Variants in NTRK2 observed in about 807,000 individuals in gnomAD.
The protein encoded by NTRK2 is BDNF/NT-3 growth factors receptor.
A neutral mutation model predicts 94.5 loss-of-function variants in NTRK2; 13 were observed. That is an observed-to-expected ratio of 0.14 (90% CI 0.09 to 0.22). NTRK2 has a LOEUF of 0.22. NTRK2 is among the 10% of genes least tolerant of loss of function. The pLI is 1.00. For missense variants in NTRK2, 639 were observed against 1,071.2 expected (o/e 0.60, Z 5.63); for synonymous variants, 372 against 407.4 (o/e 0.91, Z 1.05).
intron 17 of NTRK2, among the ~76,000 whole-genome samples, chr9:84,971,117 C>A (rs1314453818): frequency 1.3e-5 from 2 of 152,178 alleles, no homozygotes; most frequent in African/African-American, 4.8e-5. Context: ...AACAATTTAA[C>A]CATATTTGTT....
intron 15 of NTRK2, among the ~76,000 whole-genome samples, chr9:84,940,194 A>G (rs1440382401): frequency 4.6e-5 from 7 of 152,180 alleles, no homozygotes; most frequent in Non-Finnish European, 2.9e-5. Flanking sequence ...AATATTAGAG[A>G]TGCTATAACT....
At chr9:84,922,226 T>G (rs1176075136) in intron 14 of NTRK2, among the ~76,000 whole-genome samples, 2 of 152,194 alleles carry the variant, frequency 1.3e-5, no homozygotes, top group East Asian at 3.9e-4. Flanking sequence ...TATGACTGGG[T>G]CGGTGGCATC....
intron 6 of NTRK2, among the ~76,000 whole-genome samples, chr9:84,711,154 T>C (rs1295990539): frequency 6.6e-6 from 1 of 152,188 alleles, no homozygotes. Flanking sequence ...ACATATACCC[T>C]TGGATGGCAC....
At chr9:84,964,604 A>G (rs1026269700) in intron 17 of NTRK2, among the ~76,000 whole-genome samples, 1 of 152,106 alleles carries the variant, frequency 6.6e-6, no homozygotes, top group Admixed American at 6.6e-5. Flanking sequence ...AACGCTAGCC[A>G]CTTTGATCTC....
intron 17 of NTRK2, among the ~76,000 whole-genome samples, chr9:85,011,619 C>T (rs1169420958): frequency 6.6e-6 from 1 of 152,160 alleles, no homozygotes; most frequent in Non-Finnish European, 1.5e-5. Context: ...AGGAAGAGAA[C>T]CCTCTCCAGA....
At chr9:84,723,308 T>C (rs10125613) in intron 6 of NTRK2, among the ~76,000 whole-genome samples, 2,465 of 152,260 alleles carry the variant, frequency 0.016, 67 homozygotes, top group African/African-American at 0.056. Flanking sequence ...TTTATACTAG[T>C]GTTCTTGAAA....
chr9:85,007,555 G>A (rs533950071), intron 17 of NTRK2, among the ~76,000 whole-genome samples: 1 of 152,328 alleles, frequency 6.6e-6, no homozygotes, highest in Non-Finnish European at 1.5e-5. Context: ...ACAGGGGGAG[G>A]AGGGAATGAT....
In NTRK2 at chr9:85,025,626, C is replaced by G; in HGVS notation, c.*4189C>G. The G allele has an allele frequency of 4.3e-6, 1 of 233,216 alleles. No homozygotes were observed. Among genetic ancestry groups the G allele is most frequent in the East Asian group, 6.0e-5 (1 of 16,588 alleles). 14.4% of individuals were successfully genotyped at this position (233,216 alleles called of 1,614,324 possible). A position where few individuals can be genotyped will look rare whatever the true frequency, so the allele number is the denominator to read the frequency against. On this transcript the variant is annotated 3_prime_UTR_variant, in exon 19 of 19. Transcript: ENST00000277120. Reference sequence around the variant, plus strand: ...TGTAATACCAATAACATTGTTGTATCTAACTAAATAAATGACTGCATATAC... The same window carrying G: ...TGTAATACCAATAACATTGTTGTATGTAACTAAATAAATGACTGCATATAC...
intron 14 of NTRK2, among the ~76,000 whole-genome samples, chr9:84,933,710 A>T (rs978018388): frequency 1.3e-5 from 2 of 152,212 alleles, no homozygotes; most frequent in African/African-American, 2.4e-5. Context: ...TTCCTTTTGT[A>T]TCCTCTGACT....
chr9:84,706,521 G>GTTTTTTTTTTTTTTTTTTTT (rs1173199220), intron 4 of NTRK2, among the ~76,000 whole-genome samples: 2 of 95,384 alleles, frequency 2.1e-5, no homozygotes, highest in Admixed American at 1.4e-4. Context: ...GTTATTTTTT[G>GTTTTTTTTTTTTTTTTTTTT]TTTTTGTTTT....
rs534790806 is a variant in NTRK2, at chr9:84,814,446, T to TC, written c.1397-46594_1397-46593insC. On this transcript the variant is annotated intron_variant, in intron 12 of 18. Coordinates refer to ENST00000277120, the MANE Select transcript of NTRK2 (RefSeq NM_006180.6). ...TTTCTTTAGAGCACTTGACTTTTTT[T>TC]TCTCTCTCTCTCTAGTATTCTAAAC... is the stretch of plus-strand genomic sequence containing the variant. 4.2e-3 allele frequency: 4,445 copies of TC among 1,065,614 alleles called. 9 individuals carry two copies. The highest frequency in any genetic ancestry group is 5.3e-3 in the Admixed American group (99 of 18,748). 66.0% of individuals were successfully genotyped at this position (1,065,614 alleles called of 1,614,324 possible). A position where few individuals can be genotyped will look rare whatever the true frequency, so the allele number is the denominator to read the frequency against.
intron 14 of NTRK2, among the ~76,000 whole-genome samples, chr9:84,887,619 A>G (rs1159400873): frequency 6.6e-6 from 1 of 152,254 alleles, no homozygotes; most frequent in Admixed American, 6.5e-5. Context: ...TTCTTCATGC[A>G]GCAAGACCAA....
chr9:84,698,135 G>A (rs529954798), intron 2 of NTRK2, among the ~76,000 whole-genome samples: 2 of 149,190 alleles, frequency 1.3e-5, no homozygotes, highest in Admixed American at 1.3e-4. Flanking sequence ...TTCTGTGTAT[G>A]TGTGTGTGTG....
chr9:84,758,265 G>A (rs1339862170), intron 12 of NTRK2, among the ~76,000 whole-genome samples: 2 of 151,928 alleles, frequency 1.3e-5, no homozygotes, highest in Admixed American at 6.6e-5. Context: ...TTCCATTTAA[G>A]TTGTGTCTTG....
chr9:84,973,248 C>T (rs1826400453), intron 17 of NTRK2, among the ~76,000 whole-genome samples: 1 of 152,178 alleles, frequency 6.6e-6, no homozygotes, highest in African/African-American at 2.4e-5. Flanking sequence ...GTAAGCAGAT[C>T]AGAGAAACCC....
intron 8 of NTRK2, among the ~76,000 whole-genome samples, chr9:84,726,266 C>G (rs1047750727): frequency 2.0e-5 from 3 of 152,166 alleles, no homozygotes; most frequent in African/African-American, 7.2e-5. Context: ...GCGGGTGGAT[C>G]ACTTGAGATC....
chr9:84,724,483 C>T (rs2062306042), intron 8 of NTRK2, 127 bp downstream of exon 8: 2 of 1,056,496 alleles, frequency 1.9e-6, no homozygotes, highest in Admixed American at 1.7e-5. Flanking sequence ...TTTGTGCATA[C>T]TCTATTAAGA....
chr9:84,902,183 G>A (rs1390349164), intron 14 of NTRK2, among the ~76,000 whole-genome samples: 1 of 148,370 alleles, frequency 6.7e-6, no homozygotes, highest in Admixed American at 6.8e-5. Flanking sequence ...GCAACAGAAT[G>A]AGATTCTGTC....
chr9:85,025,942 A>T lies in NTRK2; in HGVS notation c.*4505A>T, dbSNP rs982492240. On this transcript the variant is annotated 3_prime_UTR_variant, in exon 19 of 19. Coordinates refer to ENST00000277120, the MANE Select transcript of NTRK2 (RefSeq NM_006180.6). Reference sequence around the variant, plus strand: ...GGAGGGATTTATAGTTAGAAACGACAGTGCAGGAAGGGGTATTTTCTTGTT... The same window carrying T: ...GGAGGGATTTATAGTTAGAAACGACTGTGCAGGAAGGGGTATTTTCTTGTT... 1 of 232,826 alleles carries T rather than the reference A, an allele frequency of 4.3e-6. No individual in the cohort carries two copies. The highest frequency in any genetic ancestry group is 2.2e-5 in the African/African-American group (1 of 45,332). The allele number at this position is 232,826 out of a possible 1,614,324, so 14.4% of individuals were successfully genotyped here.
Sources: gnomAD v4.1 joint callset for allele counts (sites outside exome capture counted in the v4.1 genomes callset) on GRCh38, gnomAD v4.1.1 for gene constraint, MANE v1.5 for transcripts, NCBI Gene and HGNC (gene_info 2026-07-23, HGNC 2026-07-21) for gene names.